N4BP2: variants seen among roughly 807,000 people sequenced by gnomAD.
The protein encoded by N4BP2 is NEDD4-binding protein 2.
A neutral mutation model predicts 152.8 loss-of-function variants in N4BP2; 91 were observed. The ratio of observed to expected loss-of-function variants is 0.60; its 90% CI spans 0.50 to 0.71. The LOEUF is 0.71. Among genes scored for constraint, N4BP2 ranks in the 30% least tolerant of loss-of-function variants. The pLI, the probability that N4BP2 is intolerant of heterozygous loss-of-function variation, is 0.00. For synonymous variants in N4BP2, 646 were observed against 705.3 expected, an observed-to-expected ratio of 0.92 and a Z score of 1.33; for missense variants, 1,923 against 2,059.1, an observed-to-expected ratio of 0.93 and a Z score of 1.28.
the N4BP2 span, among the ~76,000 whole-genome samples, chr4:40,165,255 C>G: frequency 6.6e-6 from 1 of 151,688 alleles, no homozygotes; most frequent in Non-Finnish European, 1.5e-5. Context: ...GGATAAAAAT[C>G]AATCTGTACT....
chr4:40,122,230 A>G lies in N4BP2; in HGVS notation c.4119A>G (p.Ile1373Met). Residue 1373 changes from isoleucine to methionine, a missense_variant, in exon 9 of 18, where the codon ATA becomes ATG. Coordinates refer to ENST00000261435, the MANE Select transcript of N4BP2 (RefSeq NM_018177.6). Reference protein sequence around the residue: ...PTPAMAKSLTIDCLELALPPE... With the variant: ...PTPAMAKSLTMDCLELALPPE... ...CAGCGATGGCCAAATCTCTGACCATAGACTGTCTGGAATTGGCATTACCCC... is the reference window on the plus strand; with the variant it reads ...CAGCGATGGCCAAATCTCTGACCATGGACTGTCTGGAATTGGCATTACCCC... 6.2e-7 allele frequency: 1 copy of G among 1,611,974 alleles called. No homozygotes were observed. The highest frequency in any genetic ancestry group is 1.1e-5 in the South Asian group (1 of 90,846).
chr4:40,078,531 CTTTT>C (rs961082223), intron 2 of N4BP2, among the ~76,000 whole-genome samples: 2 of 144,516 alleles, frequency 1.4e-5, no homozygotes, highest in Non-Finnish European at 3.0e-5. Flanking sequence ...TTTTTTTTTA[CTTTT>C]TTTCTTTGAG....
At chr4:40,145,485 A>AAGTG (rs1467360584) in intron 16 of N4BP2, among the ~76,000 whole-genome samples, 1 of 152,184 alleles carries the variant, frequency 6.6e-6, no homozygotes, top group Non-Finnish European at 1.5e-5. Context: ...TGGCTTCCCA[A>AAGTG]AGTGAGCTAC....
intron 2 of N4BP2, among the ~76,000 whole-genome samples, chr4:40,092,161 C>T (rs943338308): frequency 3.4e-5 from 5 of 148,654 alleles, no homozygotes; most frequent in African/African-American, 1.2e-4. Context: ...CAGGATAATA[C>T]TAGCATCATA....
At chr4:40,145,077 C>T (rs1720389848) in intron 16 of N4BP2, among the ~76,000 whole-genome samples, 1 of 152,102 alleles carries the variant, frequency 6.6e-6, no homozygotes, top group African/African-American at 2.4e-5. Flanking sequence ...ATAAATGAGA[C>T]CTTTCAGGAA....
At chr4:40,114,860 A>G (rs752145081) in intron 7 of N4BP2, among the ~76,000 whole-genome samples, 1 of 152,162 alleles carries the variant, frequency 6.6e-6, no homozygotes, top group African/African-American at 2.4e-5. Flanking sequence ...AACGTTTCCA[A>G]ATTTATTAAG....
chr4:40,063,248 A>G (rs534288724), intron 1 of N4BP2, among the ~76,000 whole-genome samples: 7 of 152,336 alleles, frequency 4.6e-5, no homozygotes, highest in African/African-American at 1.7e-4. Flanking sequence ...TTATTGGTTC[A>G]TATGACCATA....
At chr4:40,071,754 C>G (rs115674483) in intron 1 of N4BP2, among the ~76,000 whole-genome samples, 5,277 of 151,896 alleles carry the variant, frequency 0.035, 344 homozygotes, top group African/African-American at 0.12. Context: ...TTAGTAGAGA[C>G]GAAGTTTCGC....
chr4:40,147,524 G>T (rs545395886), intron 16 of N4BP2, among the ~76,000 whole-genome samples: 3 of 149,066 alleles, frequency 2.0e-5, no homozygotes, highest in Non-Finnish European at 4.4e-5. Flanking sequence ...CGGACGGGGC[G>T]GCTGGCCGGG....
chr4:40,130,606 C>T (rs1356656616), intron 12 of N4BP2, among the ~76,000 whole-genome samples: 1 of 152,140 alleles, frequency 6.6e-6, no homozygotes, highest in Admixed American at 6.5e-5. Flanking sequence ...GCCTTGACCT[C>T]CTGGGCTCAA....
intron 14 of N4BP2, among the ~76,000 whole-genome samples, chr4:40,141,723 A>G (rs1719993763): frequency 1.3e-5 from 2 of 152,188 alleles, no homozygotes; most frequent in Non-Finnish European, 1.5e-5. Flanking sequence ...GCACTTTGGG[A>G]GGCCAGGGCA....
At chr4:40,081,989 G>A (rs1713415225) in intron 2 of N4BP2, among the ~76,000 whole-genome samples, 1 of 152,020 alleles carries the variant, frequency 6.6e-6, no homozygotes, top group South Asian at 2.1e-4. Context: ...GCGCATGCCT[G>A]TAATCCCAGC....
At chr4:40,062,380 A>G (rs1364896690) in intron 1 of N4BP2, among the ~76,000 whole-genome samples, 1 of 149,800 alleles carries the variant, frequency 6.7e-6, no homozygotes, top group Non-Finnish European at 1.5e-5. Flanking sequence ...CTGCCCTCCT[A>G]CTCCATGGTT....
intron 2 of N4BP2, among the ~76,000 whole-genome samples, chr4:40,082,370 A>G (rs1227726858): frequency 6.6e-6 from 1 of 152,232 alleles, no homozygotes; most frequent in Admixed American, 6.6e-5. Flanking sequence ...GTTGTATTCA[A>G]TAATCTAACA....
chr4:40,169,883 G>C, the N4BP2 span, among the ~76,000 whole-genome samples: 1 of 150,420 alleles, frequency 6.6e-6, no homozygotes, highest in Admixed American at 6.6e-5. Context: ...AGAATTGCTT[G>C]AACCTGGGAG....
chr4:40,169,392 A>C, the N4BP2 span, among the ~76,000 whole-genome samples: 3 of 151,836 alleles, frequency 2.0e-5, no homozygotes, highest in Non-Finnish European at 4.4e-5. Context: ...AAAAAAAAAA[A>C]ACCTTAAAAA....
intron 2 of N4BP2, among the ~76,000 whole-genome samples, chr4:40,095,491 T>C (rs921206914): frequency 1.3e-5 from 2 of 152,236 alleles, no homozygotes; most frequent in South Asian, 2.1e-4. Flanking sequence ...AATATATAAA[T>C]GTACTTTTAT....
intron 2 of N4BP2, among the ~76,000 whole-genome samples, chr4:40,092,008 T>TTTTA (rs1553920274): frequency 8.5e-4 from 23 of 27,208 alleles, no homozygotes; most frequent in African/African-American, 2.9e-3. Flanking sequence ...AAAAAAAAAA[T>TTTTA]TATATATATA....
intron 2 of N4BP2, among the ~76,000 whole-genome samples, chr4:40,078,530 A>C (rs1438453094): frequency 7.5e-6 from 1 of 133,734 alleles, no homozygotes; most frequent in African/African-American, 2.8e-5. Context: ...TTTTTTTTTT[A>C]CTTTTTTTCT....
Sources: gnomAD v4.1 joint callset for allele counts (sites outside exome capture counted in the v4.1 genomes callset) on GRCh38, gnomAD v4.1.1 for gene constraint, MANE v1.5 for transcripts, NCBI Gene and HGNC (gene_info 2026-07-23, HGNC 2026-07-21) for gene names.